PRIM2: variants seen among roughly 807,000 people sequenced by gnomAD.
PRIM2 encodes the protein DNA primase subunit 2, also known as DNA primase large subunit.
Under a neutral mutation model 67.3 loss-of-function variants are expected in PRIM2, and 39 were observed. That is an observed-to-expected ratio of 0.58 (90% CI 0.45 to 0.76). The LOEUF (loss-of-function observed/expected upper bound fraction) is 0.76. Ranked by LOEUF, PRIM2 falls within the 30% of genes least tolerant of loss-of-function variation. PRIM2 has a pLI of 0.00. For missense variants in PRIM2, 398 were observed against 598.7 expected (o/e 0.66, Z 3.50); for synonymous variants, 143 against 198.7 (o/e 0.72, Z 2.36).
chr6:57,423,802 G>A (rs1461800067), intron 7 of PRIM2, among the ~76,000 whole-genome samples: 1 of 152,134 alleles, frequency 6.6e-6, no homozygotes, highest in Non-Finnish European at 1.5e-5. Flanking sequence ...GTGATTAAGG[G>A]TACATTGTTT....
intron 8 of PRIM2, among the ~76,000 whole-genome samples, chr6:57,528,109 G>A (rs1464948095): frequency 2.6e-5 from 4 of 151,008 alleles, no homozygotes; most frequent in Non-Finnish European, 4.4e-5. Flanking sequence ...GACTACAGGT[G>A]CGTGCCACCA....
chr6:57,515,819 C>T (rs1422105219), intron 8 of PRIM2, among the ~76,000 whole-genome samples: 2 of 152,192 alleles, frequency 1.3e-5, no homozygotes, highest in Non-Finnish European at 2.9e-5. Context: ...ATCTCACAGT[C>T]TGTAGGTTAG....
intron 2 of PRIM2, among the ~76,000 whole-genome samples, chr6:57,318,873 A>C (rs1375114019): frequency 1.3e-5 from 2 of 152,136 alleles, no homozygotes; most frequent in Non-Finnish European, 2.9e-5. Context: ...TTTTTGTTGA[A>C]GTTTTATTCT....
chr6:57,589,899 TTGGGGAG>T, intron 10 of PRIM2, among the ~76,000 whole-genome samples: 1 of 152,188 alleles, frequency 6.6e-6, no homozygotes, highest in South Asian at 2.1e-4. Flanking sequence ...AGCCCAGGCA[TTGGGGAG>T]TGGATCCCCA....
chr6:57,289,154 G>A, the PRIM2 span, among the ~76,000 whole-genome samples: 3 of 152,136 alleles, frequency 2.0e-5, no homozygotes, highest in East Asian at 1.9e-4. Context: ...ACTTTGTGAC[G>A]CATGCACAAG....
chr6:57,578,317 A>G (rs1448535666), intron 10 of PRIM2, among the ~76,000 whole-genome samples: 1 of 152,146 alleles, frequency 6.6e-6, no homozygotes, highest in Admixed American at 6.6e-5. Context: ...CTTGGGGGAC[A>G]TACTTTTAGA....
intron 7 of PRIM2, among the ~76,000 whole-genome samples, chr6:57,396,513 C>T (rs1770519890): frequency 6.6e-6 from 1 of 152,140 alleles, no homozygotes; most frequent in African/African-American, 2.4e-5. Context: ...ATGCCTTATT[C>T]CACCCCTCAC....
At chr6:57,409,921 G>A (rs1373601319) in intron 7 of PRIM2, among the ~76,000 whole-genome samples, 3 of 152,136 alleles carry the variant, frequency 2.0e-5, no homozygotes, top group Admixed American at 1.3e-4. Flanking sequence ...AAATTTTATA[G>A]TTTTAGCTCT....
intron 10 of PRIM2, among the ~76,000 whole-genome samples, chr6:57,553,068 G>C (rs1187486680): frequency 2.0e-5 from 3 of 152,200 alleles, no homozygotes; most frequent in Admixed American, 6.5e-5. Flanking sequence ...TTAAATAGTG[G>C]TTAAGTGATA....
chr6:57,608,768 T>G (rs1162456745), intron 12 of PRIM2, among the ~76,000 whole-genome samples: 1 of 151,574 alleles, frequency 6.6e-6, no homozygotes, highest in Non-Finnish European at 1.5e-5. Context: ...GGTATTAGCT[T>G]AAGCATCATA....
chr6:57,392,167 C>T (rs923155813), intron 7 of PRIM2, among the ~76,000 whole-genome samples: 4 of 152,020 alleles, frequency 2.6e-5, no homozygotes, highest in Non-Finnish European at 5.9e-5. Flanking sequence ...TGATTTGGCT[C>T]TCAGCTTGGC....
intron 3 of PRIM2, among the ~76,000 whole-genome samples, chr6:57,322,286 T>C (rs1767686641): frequency 6.6e-6 from 1 of 152,012 alleles, no homozygotes; most frequent in African/African-American, 2.4e-5. Context: ...GAGAGAGCAT[T>C]TGATAAGTCA....
At chr6:57,243,000 T>A in the PRIM2 span, among the ~76,000 whole-genome samples, 1 of 152,250 alleles carries the variant, frequency 6.6e-6, no homozygotes, top group East Asian at 1.9e-4. Flanking sequence ...CAATTCGATA[T>A]CAACTATCAA....
At chr6:57,425,162 A>G (rs1771581592) in intron 7 of PRIM2, among the ~76,000 whole-genome samples, 1 of 152,056 alleles carries the variant, frequency 6.6e-6, no homozygotes, top group Non-Finnish European at 1.5e-5. Flanking sequence ...TTTAAATTAT[A>G]TTTTCATTTC....
At chr6:57,258,379 G>C in the PRIM2 span, among the ~76,000 whole-genome samples, 1 of 151,678 alleles carries the variant, frequency 6.6e-6, no homozygotes, top group Non-Finnish European at 1.5e-5. Context: ...TGACGCAAAT[G>C]AGGTTTAAAA....
At chr6:57,472,933 A>G (rs1773373914) in intron 7 of PRIM2, among the ~76,000 whole-genome samples, 1 of 152,178 alleles carries the variant, frequency 6.6e-6, no homozygotes, top group Non-Finnish European at 1.5e-5. Flanking sequence ...AGGAAAGGCA[A>G]TTATATGCAG....
At chr6:57,466,808 G>T (rs1167947958) in intron 7 of PRIM2, among the ~76,000 whole-genome samples, 1 of 152,180 alleles carries the variant, frequency 6.6e-6, no homozygotes, top group Non-Finnish European at 1.5e-5. Context: ...CTGTGCAGAA[G>T]CTCTTTAGTG....
chr6:57,558,348 G>A (rs1775559129), intron 10 of PRIM2, among the ~76,000 whole-genome samples: 1 of 152,170 alleles, frequency 6.6e-6, no homozygotes, highest in Admixed American at 6.5e-5. Flanking sequence ...GAGACTCAGA[G>A]AGGGCTTCAT....
At chr6:57,289,893 T>C in the PRIM2 span, among the ~76,000 whole-genome samples, 14 of 152,116 alleles carry the variant, frequency 9.2e-5, no homozygotes, top group African/African-American at 3.4e-4. Context: ...AGAAACTGCA[T>C]CAATTAACGG....
Sources: gnomAD v4.1 joint callset for allele counts (sites outside exome capture counted in the v4.1 genomes callset) on GRCh38, gnomAD v4.1.1 for gene constraint, MANE v1.5 for transcripts, NCBI Gene and HGNC (gene_info 2026-07-23, HGNC 2026-07-21) for gene names.